Variants in PEAK1 observed in about 807,000 individuals in gnomAD.
The protein encoded by PEAK1 is pseudopodium enriched atypical kinase 1.
Under a neutral mutation model 124.7 loss-of-function variants are expected in PEAK1, and 54 were observed. That is an observed-to-expected ratio of 0.43 (90% CI 0.35 to 0.54). The LOEUF (loss-of-function observed/expected upper bound fraction) is 0.54, where lower values mean the gene tolerates loss of function less well. Among genes scored for constraint, PEAK1 ranks in the 20% least tolerant of loss-of-function variants. PEAK1 has a pLI of 0.01. For missense variants in PEAK1, 2,046 were observed against 2,134.5 expected, an observed-to-expected ratio of 0.96 and a Z score of 0.82; for synonymous variants, 719 against 760.0, an observed-to-expected ratio of 0.95 and a Z score of 0.89.
chr15:77,119,137 C>T (rs917319763), intron 9 of PEAK1, among the ~76,000 whole-genome samples: 6 of 107,278 alleles, frequency 5.6e-5, no homozygotes, highest in African/African-American at 1.5e-4. Context: ...ATACCAAATG[C>T]ATGCCAAGGG....
At chr15:77,103,490 C>T (rs1395312521), downstream of PEAK1, 1 of 152,020 alleles carries the variant, frequency 6.6e-6, no homozygotes, top group Non-Finnish European at 1.5e-5. Flanking sequence ...ACAATAAGAT[C>T]TAATTTTTGT....
At chr15:77,329,858 A>C (rs1427038014) in intron 2 of PEAK1, among the ~76,000 whole-genome samples, 1 of 152,170 alleles carries the variant, frequency 6.6e-6, no homozygotes, top group Non-Finnish European at 1.5e-5. Context: ...GACAGGGAAA[A>C]TGCTGAATAC....
chr15:77,293,970 T>C (rs1567222004), intron 2 of PEAK1, among the ~76,000 whole-genome samples: 1 of 152,200 alleles, frequency 6.6e-6, no homozygotes, highest in East Asian at 1.9e-4. Context: ...TTTTGCTAAG[T>C]GTGTTGATTT....
chr15:77,141,376 G>A (rs1431794647), intron 8 of PEAK1, among the ~76,000 whole-genome samples: 2 of 152,182 alleles, frequency 1.3e-5, no homozygotes, highest in Admixed American at 6.5e-5. Context: ...ATAAAACATC[G>A]CTGAAAGAAA....
intron 6 of PEAK1, among the ~76,000 whole-genome samples, chr15:77,232,272 C>T (rs2059938870): frequency 6.6e-6 from 1 of 152,068 alleles, no homozygotes; most frequent in South Asian, 2.1e-4. Flanking sequence ...CAACCATGAG[C>T]TTACACTAAG....
intron 1 of PEAK1, chr15:77,418,336 T>C (rs978640345): frequency 1.0e-6 from 1 of 985,026 alleles, no homozygotes; most frequent in African/African-American, 1.8e-5. Context: ...TTAAAGAAAA[T>C]AATTTGACAT....
intron 2 of PEAK1, chr15:77,352,709 A>G (rs986046970): frequency 1.0e-6 from 1 of 955,260 alleles, no homozygotes; most frequent in African/African-American, 1.8e-5. Flanking sequence ...TTAATGTTTC[A>G]AGAAGATTTG....
intron 7 of PEAK1, 71 bp downstream of exon 7, chr15:77,178,719 A>G: frequency 1.4e-6 from 2 of 1,438,332 alleles, no homozygotes; most frequent in East Asian, 4.6e-5. Flanking sequence ...GCAATCTTAA[A>G]AGATATAAAA....
At chr15:77,302,427 C>T (rs2063835196) in intron 2 of PEAK1, among the ~76,000 whole-genome samples, 1 of 152,094 alleles carries the variant, frequency 6.6e-6, no homozygotes, top group Non-Finnish European at 1.5e-5. Context: ...TACCTGTAAC[C>T]AACACTACAA....
At position 77,153,448 on chromosome 15, in the gene PEAK1, T is replaced by C. The variant is rs528300147; in HGVS notation, c.3331+5055A>G. On this transcript the variant is annotated intron_variant, in intron 8 of 9. Transcript: ENST00000682557. Reference sequence around the variant, plus strand: ...TTCAAAAAAACAGTTCCTGGATTCATTGATTTTTTGAAGGGTTTTTTGTGT... The same window carrying C: ...TTCAAAAAAACAGTTCCTGGATTCACTGATTTTTTGAAGGGTTTTTTGTGT... 1.2e-4 allele frequency among the ~76,000 whole-genome samples: 18 copies of C among 152,338 alleles called. No homozygotes were observed. In the South Asian group the frequency reaches 2.7e-3, roughly 23 times the overall value.
Position 77,256,627 on chromosome 15 carries a change from A to C in PEAK1, c.-274-4101T>G, listed in dbSNP as rs548187186. On this transcript the variant is annotated intron_variant, in intron 5 of 9. Transcript: ENST00000682557. The stretch of plus-strand genomic sequence containing the variant: ...CAAAAGGAGAATATTTTGAGACATA[A>C]AAACTAGATGAAATTCAAATGTCAT... Among the ~76,000 whole-genome samples, 119 of 152,250 alleles carry C rather than the reference A, an allele frequency of 7.8e-4. 1 individual carries two copies. Among genetic ancestry groups the C allele is most frequent in the African/African-American group, 2.8e-3 (115 of 41,582 alleles).
intron 1 of PEAK1, among the ~76,000 whole-genome samples, chr15:77,381,872 T>A (rs138319437): frequency 6.6e-6 from 1 of 152,182 alleles, no homozygotes; most frequent in Admixed American, 6.5e-5. Flanking sequence ...CCTAATTGTA[T>A]CTGAACTGGA....
At chr15:77,396,812 A>G (rs901033484) in intron 1 of PEAK1, among the ~76,000 whole-genome samples, 3 of 151,978 alleles carry the variant, frequency 2.0e-5, no homozygotes, top group African/African-American at 7.2e-5. Flanking sequence ...GCAAGCAAGC[A>G]AGAGAGAGAG....
intron 8 of PEAK1, among the ~76,000 whole-genome samples, chr15:77,134,345 A>G (rs2053136958): frequency 6.6e-6 from 1 of 152,228 alleles, no homozygotes; most frequent in South Asian, 2.1e-4. Flanking sequence ...TTTACTATAG[A>G]GATGGATTCT....
intron 2 of PEAK1, chr15:77,336,193 CA>C: frequency 1.0e-6 from 1 of 985,426 alleles, no homozygotes; most frequent in Non-Finnish European, 1.2e-6. Flanking sequence ...CACAGAGCTT[CA>C]GGGGCAGAGA....
chr15:77,131,497 A>G (rs1195409883), intron 9 of PEAK1, among the ~76,000 whole-genome samples: 1 of 152,148 alleles, frequency 6.6e-6, no homozygotes, highest in African/African-American at 2.4e-5. Flanking sequence ...ATCTCAAAAC[A>G]AAACAAAACA....
intron 6 of PEAK1, among the ~76,000 whole-genome samples, chr15:77,208,539 G>A (rs543994659): frequency 1.2e-4 from 18 of 152,194 alleles, no homozygotes; most frequent in African/African-American, 3.9e-4. Context: ...CTCTTAGGGC[G>A]AATATTATGT....
chr15:77,294,410 T>C (rs1464146887), intron 2 of PEAK1, among the ~76,000 whole-genome samples: 4 of 152,232 alleles, frequency 2.6e-5, no homozygotes, highest in Non-Finnish European at 1.5e-5. Context: ...TATGAAATAA[T>C]ATACCATTTT....
intron 1 of PEAK1, among the ~76,000 whole-genome samples, chr15:77,407,869 GTAGATAAAGCATGATATATATATATATA>G (rs1445536204): frequency 6.7e-6 from 1 of 149,030 alleles, no homozygotes; most frequent in Non-Finnish European, 1.5e-5. Flanking sequence ...AAATGCCCGA[GTAGATAAAGCATGATATATATATATATA>G]TATACACATA....
Sources: allele counts gnomAD v4.1 joint callset (sites outside exome capture counted in the v4.1 genomes callset), GRCh38; gene constraint gnomAD v4.1.1; transcripts MANE v1.5; gene names NCBI Gene and HGNC (gene_info 2026-07-23, HGNC 2026-07-21).